Variants in DIP2A observed in about 807,000 individuals in gnomAD.
DIP2A encodes DIP2 acetate--CoA ligase A.
A neutral mutation model predicts 177.4 loss-of-function variants in DIP2A; 85 were observed. The ratio of observed to expected loss-of-function variants is 0.48; its 90% CI spans 0.40 to 0.57. The LOEUF is 0.57. Among genes scored for constraint, DIP2A ranks in the 20% least tolerant of loss-of-function variants. DIP2A has a pLI of 0.00. For synonymous variants in DIP2A, 886 were observed against 881.8 expected (o/e 1.00, Z -0.08); for missense variants, 1,791 against 2,100.2 (o/e 0.85, Z 2.88).
At chr21:46,530,603 A>G (rs894317295) in intron 9 of DIP2A, among the ~76,000 whole-genome samples, 1 of 152,218 alleles carries the variant, frequency 6.6e-6, no homozygotes, top group African/African-American at 2.4e-5. Flanking sequence ...AAATAGGACA[A>G]AAAGACTCGA....
chr21:46,555,942 T>C, intron 28 of DIP2A, 40 bp from the exon 29 acceptor site: 1 of 1,458,710 alleles, frequency 6.9e-7, no homozygotes, highest in South Asian at 1.1e-5. Context: ...TCAGAATACA[T>C]GTGGGAACAC....
intron 1 of DIP2A, among the ~76,000 whole-genome samples, chr21:46,464,844 T>TTTTTTTTTTTTTTTTTTTTCC (rs58546395): frequency 2.7e-5 from 3 of 111,218 alleles, no homozygotes; most frequent in Non-Finnish European, 5.2e-5. Flanking sequence ...TTTTTTTTTT[T>TTTTTTTTTTTTTTTTTTTTCC]CAAGAAAACA....
intron 1 of DIP2A, among the ~76,000 whole-genome samples, chr21:46,470,625 G>A (rs1169946375): frequency 2.0e-5 from 3 of 152,088 alleles, no homozygotes; most frequent in African/African-American, 7.2e-5. Context: ...AAAAAAATTA[G>A]GTGGGTGTGG....
rs769757303 is a variant in DIP2A, at chr21:46,566,689, A to G, written c.4463+6A>G. ...CACAGGAGCATCGCTGAGTGGTAAG[A>G]GCCCAGGTGGAGGGCGGCTTCACGT... On this transcript the variant is annotated splice_donor_region_variant and intron_variant, in intron 37 of 37. Coordinates refer to ENST00000417564, the MANE Select transcript of DIP2A (RefSeq NM_015151.4). The G allele has an allele frequency of 1.9e-6, 3 of 1,614,098 alleles. No individual in the cohort carries two copies. The highest frequency in any genetic ancestry group is 2.7e-5 in the African/African-American group (2 of 75,054).
the DIP2A span, among the ~76,000 whole-genome samples, chr21:46,579,898 T>C: frequency 1.3e-5 from 2 of 152,212 alleles, no homozygotes; most frequent in Non-Finnish European, 2.9e-5. Flanking sequence ...GTAAGTGCCA[T>C]GTGGTGCCAA....
rs868411177 is a variant in DIP2A, at chr21:46,557,929, C to G, written c.3798+176C>G. Among the ~76,000 whole-genome samples, 1 of 152,222 alleles carries G rather than the reference C, an allele frequency of 6.6e-6. No homozygotes were observed. Among genetic ancestry groups the G allele is most frequent in the Non-Finnish European group, 1.5e-5 (1 of 68,028 alleles). ...ATCTGTCCTCCCACGGCCCACCTGTCTCTGCAGCTCCACACCCCGCAGGAG... is the reference window on the plus strand; with the variant it reads ...ATCTGTCCTCCCACGGCCCACCTGTGTCTGCAGCTCCACACCCCGCAGGAG... On this transcript the variant is annotated intron_variant, in intron 31 of 37. Transcript: ENST00000417564. This position sits in a 1 kb window ranked among gnomAD's most constrained non-coding sequence, Gnocchi z 6.0.
chr21:46,512,178 G>A (rs911694463), intron 8 of DIP2A, among the ~76,000 whole-genome samples: 9 of 152,040 alleles, frequency 5.9e-5, no homozygotes, highest in Admixed American at 1.3e-4. Flanking sequence ...TTATTTTATC[G>A]TGTGAATATA....
chr21:46,572,258 T>G (rs764098898), downstream of DIP2A, among the ~76,000 whole-genome samples: 2 of 152,234 alleles, frequency 1.3e-5, no homozygotes. Flanking sequence ...TTTGAAAGTT[T>G]ATAAAGTTAC....
At chr21:46,542,981 A>G (rs540551025) in intron 18 of DIP2A, among the ~76,000 whole-genome samples, 2 of 152,240 alleles carry the variant, frequency 1.3e-5, no homozygotes, top group South Asian at 2.1e-4. Context: ...GCCTGGGGCC[A>G]GCTGGTGCCT....
intron 2 of DIP2A, among the ~76,000 whole-genome samples, chr21:46,485,483 C>T (rs1218920224): frequency 1.3e-5 from 2 of 152,112 alleles, no homozygotes; most frequent in Non-Finnish European, 2.9e-5. Flanking sequence ...TGGCATAGTT[C>T]TTTATCCATA....
chr21:46,578,442 C>G, the DIP2A span, among the ~76,000 whole-genome samples: 3 of 152,158 alleles, frequency 2.0e-5, no homozygotes, highest in Non-Finnish European at 4.4e-5. Flanking sequence ...ATTTGAATAT[C>G]CATTATTTCT....
At chr21:46,531,080 A>G (rs2148751625) in intron 9 of DIP2A, among the ~76,000 whole-genome samples, 1 of 152,208 alleles carries the variant, frequency 6.6e-6, no homozygotes, top group South Asian at 2.1e-4. Flanking sequence ...TGAGTGAGTG[A>G]GTAGGGTGCA....
the DIP2A span, among the ~76,000 whole-genome samples, chr21:46,579,773 TTCTTAA>T: frequency 2.6e-5 from 4 of 152,222 alleles, no homozygotes; most frequent in African/African-American, 9.6e-5. Context: ...TTGAGTGAGC[TTCTTAA>T]TCTTGAGTTC....
chr21:46,485,236 TTGTGTGTG>T (rs3060302), intron 2 of DIP2A, among the ~76,000 whole-genome samples: 14 of 149,274 alleles, frequency 9.4e-5, no homozygotes, highest in African/African-American at 3.0e-4. Context: ...TCAATAGGTT[TTGTGTGTG>T]TGTGTGTGTG....
In DIP2A at chr21:46,563,634, A is replaced by T; in HGVS notation, c.4090-224A>T. 1 of 697,224 alleles carries T rather than the reference A, an allele frequency of 1.4e-6. No individual in the cohort carries two copies. The highest frequency in any genetic ancestry group is 2.2e-6 in the Non-Finnish European group (1 of 455,496). The allele number at this position is 697,224 out of a possible 1,614,324, so 43.2% of individuals were successfully genotyped here. A position where few individuals can be genotyped will look rare whatever the true frequency, so the allele number is the denominator to read the frequency against. ...GCCCCTCCTGACACCCAGAGACGGG[A>T]TCCCTTCTCAGGAACTGGAGTCATT... On this transcript the variant is annotated intron_variant, in intron 34 of 37. Transcript: ENST00000417564. This position sits in a 1 kb window ranked among gnomAD's most constrained non-coding sequence, Gnocchi z 4.3.
chr21:46,537,889 G>A lies in DIP2A; in HGVS notation c.1801+350G>A, dbSNP rs990106229. On this transcript the variant is annotated intron_variant, in intron 15 of 37. Coordinates refer to ENST00000417564, the MANE Select transcript of DIP2A (RefSeq NM_015151.4). This position sits in a 1 kb window ranked among gnomAD's most constrained non-coding sequence, Gnocchi z 4.1. The stretch of plus-strand genomic sequence containing the variant: ...TGTCTCTGCCCTGTGGAGCTCAGTG[G>A]CACTTCTACCAGCCACTGAGGCACT... Among the ~76,000 whole-genome samples, 9 of 152,194 alleles carry A rather than the reference G, an allele frequency of 5.9e-5. No individual in the cohort carries two copies. The highest frequency in any genetic ancestry group is 2.9e-5 in the Non-Finnish European group (2 of 68,028).
Position 46,568,723 on chromosome 21 carries a change from G to A in DIP2A, c.*1101G>A, listed in dbSNP as rs531775966. The A allele has an allele frequency of 6.6e-5, 10 of 152,108 alleles. No individual in the cohort carries two copies. Among genetic ancestry groups the A allele is most frequent in the African/African-American group, 1.2e-4 (5 of 41,406 alleles). 9.4% of individuals were successfully genotyped at this position (152,108 alleles called of 1,614,324 possible). A position where few individuals can be genotyped will look rare whatever the true frequency, so the allele number is the denominator to read the frequency against. On this transcript the variant is annotated 3_prime_UTR_variant, in exon 38 of 38. Transcript: ENST00000417564. ...TAACACTACAATATTAATTCTTCTCGTGGAAGTGTACTGATTTATTATTTT... is the reference window on the plus strand; with the variant it reads ...TAACACTACAATATTAATTCTTCTCATGGAAGTGTACTGATTTATTATTTT...
chr21:46,508,916 G>A (rs1302884487), intron 6 of DIP2A, among the ~76,000 whole-genome samples: 3 of 152,018 alleles, frequency 2.0e-5, no homozygotes, highest in African/African-American at 7.2e-5. Flanking sequence ...CTACTTGGGA[G>A]GCTGAGGCAA....
downstream of DIP2A, among the ~76,000 whole-genome samples, chr21:46,572,136 TAAA>T (rs1481187369): frequency 1.3e-5 from 2 of 152,274 alleles, no homozygotes; most frequent in East Asian, 1.9e-4. Context: ...ATGTAAAAAA[TAAA>T]AAATTTTTAG....
Sources: gnomAD v4.1 joint callset for allele counts (sites outside exome capture counted in the v4.1 genomes callset) on GRCh38, gnomAD v4.1.1 for gene constraint, Gnocchi (gnomAD v3.1) non-coding constraint, MANE v1.5 for transcripts, NCBI Gene and HGNC (gene_info 2026-07-23, HGNC 2026-07-21) for gene names.